Variants in STXBP4 observed in about 807,000 individuals in gnomAD.
The protein encoded by STXBP4 is syntaxin binding protein 4.
A neutral mutation model predicts 76.1 loss-of-function variants in STXBP4; 55 were observed. The observed-to-expected ratio is 0.72, with a 90% CI of 0.58 to 0.91. STXBP4 has a LOEUF of 0.91. STXBP4 is among the 40% of genes least tolerant of loss of function. The probability of loss-of-function intolerance (pLI) is 0.00; values close to 1 mark genes in which losing one functional copy is unlikely to be tolerated. For missense variants in STXBP4, 618 were observed against 636.9 expected (o/e 0.97, Z 0.32); for synonymous variants, 201 against 220.2 (o/e 0.91, Z 0.77).
intron 17 of STXBP4, among the ~76,000 whole-genome samples, chr17:55,146,493 C>T (rs552112967): frequency 1.3e-4 from 20 of 152,050 alleles, no homozygotes; most frequent in South Asian, 6.2e-4. Flanking sequence ...AGGCGGATCA[C>T]GAGGTCAGGA....
At chr17:55,034,294 A>G (rs374095450) in intron 10 of STXBP4, 35 bp downstream of exon 10, 22 of 1,471,188 alleles carry the variant, frequency 1.5e-5, no homozygotes, top group Non-Finnish European at 1.9e-5. Flanking sequence ...TTTGACATGT[A>G]TAAGTCACAA....
intron 4 of STXBP4, chr17:54,991,212 C>A: frequency 4.7e-6 from 1 of 213,096 alleles, no homozygotes; most frequent in Middle Eastern, 1.6e-3. Context: ...ACATGCTGTT[C>A]AACTTTTATC....
chr17:55,121,957 G>T (rs1179349459), intron 16 of STXBP4, among the ~76,000 whole-genome samples: 2 of 151,964 alleles, frequency 1.3e-5, no homozygotes, highest in Non-Finnish European at 2.9e-5. Context: ...AGAGTAGAAA[G>T]ATGAAAAAAC....
intron 16 of STXBP4, among the ~76,000 whole-genome samples, chr17:55,096,554 T>TTTCTC (rs2144994777): frequency 6.6e-6 from 1 of 152,272 alleles, no homozygotes; most frequent in African/African-American, 2.4e-5. Flanking sequence ...TAACATTGAT[T>TTTCTC]TTCTCAGGAG....
At chr17:55,179,724 A>T in the STXBP4 span, among the ~76,000 whole-genome samples, 12 of 152,142 alleles carry the variant, frequency 7.9e-5, no homozygotes, top group Non-Finnish European at 1.5e-4. Context: ...AATGTATTTT[A>T]TCTTATGATT....
chr17:55,182,822 T>C, the STXBP4 span, among the ~76,000 whole-genome samples: 1 of 152,032 alleles, frequency 6.6e-6, no homozygotes, highest in Non-Finnish European at 1.5e-5. Context: ...CAAAAAACAT[T>C]GCCAACTTAG....
In STXBP4 at chr17:55,034,159, C is replaced by G. The variant is rs775222460; in HGVS notation, c.764-9C>G. On this transcript the variant is annotated splice_polypyrimidine_tract_variant and intron_variant, in intron 9 of 17. Coordinates refer to ENST00000376352, the MANE Select transcript of STXBP4 (RefSeq NM_178509.6). ...TGCCATGTTCTTACTTAAATGTGTTCCATTTTAGATTTTGTCCAGGTTGCC... is the reference window on the plus strand; with the variant it reads ...TGCCATGTTCTTACTTAAATGTGTTGCATTTTAGATTTTGTCCAGGTTGCC... The G allele has an allele frequency of 3.7e-6, 6 of 1,605,910 alleles. No homozygotes were observed. In the Admixed American group the frequency reaches 6.7e-5, roughly 18 times the overall value.
intron 1 of STXBP4, among the ~76,000 whole-genome samples, chr17:54,969,126 A>G (rs552396687): frequency 2.6e-5 from 4 of 152,274 alleles, no homozygotes; most frequent in African/African-American, 7.2e-5. Flanking sequence ...ATGGGCACCC[A>G]CGACACCTGC....
chr17:54,999,564 CATT>C (rs1172337806), intron 5 of STXBP4, 65 bp from the exon 6 acceptor site: 39 of 1,476,040 alleles, frequency 2.6e-5, no homozygotes, highest in Non-Finnish European at 3.6e-5. Flanking sequence ...ACATCTGAAA[CATT>C]ATCTTGGATT....
chr17:55,056,256 T>A (rs1415690938), intron 12 of STXBP4, among the ~76,000 whole-genome samples: 1 of 152,160 alleles, frequency 6.6e-6, no homozygotes, highest in Non-Finnish European at 1.5e-5. Flanking sequence ...ATTTTTAAAA[T>A]TCATTATGAG....
chr17:55,067,483 C>G lies in STXBP4; in HGVS notation c.1012-5417C>G, dbSNP rs181160210. 6.8e-4 allele frequency among the ~76,000 whole-genome samples: 103 copies of G among 152,110 alleles called. 1 individual carries two copies. Among genetic ancestry groups the G allele is most frequent in the African/African-American group, 2.5e-3 (102 of 41,502 alleles). ...TGTCTTGGAAGTAGAAGAATTTCAC[C>G]TGGTAAATGTGGTAAGTTAATGTAC... is the stretch of plus-strand genomic sequence containing the variant. On this transcript the variant is annotated intron_variant, in intron 12 of 17. Transcript: ENST00000376352.
At chr17:55,154,088 G>A (rs936122849) in intron 17 of STXBP4, among the ~76,000 whole-genome samples, 4 of 152,150 alleles carry the variant, frequency 2.6e-5, no homozygotes, top group Non-Finnish European at 5.9e-5. Flanking sequence ...ATTCCTGGTT[G>A]ATGGGTGTAG....
chr17:55,151,890 C>G (rs991239400), intron 17 of STXBP4, among the ~76,000 whole-genome samples: 9 of 152,152 alleles, frequency 5.9e-5, no homozygotes, highest in African/African-American at 1.9e-4. Context: ...TGAATTATCA[C>G]AGTGATTCAA....
At position 55,169,330 on chromosome 17, in the gene STXBP4, G is replaced by C. The variant is rs1313080708; in HGVS notation, c.*9419G>C. 1 of 131,730 alleles carries C rather than the reference G, an allele frequency of 7.6e-6. No individual in the cohort carries two copies. The highest frequency in any genetic ancestry group is 1.6e-5 in the Non-Finnish European group (1 of 64,140). 8.2% of individuals were successfully genotyped at this position (131,730 alleles called of 1,614,324 possible). On this transcript the variant is annotated 3_prime_UTR_variant, in exon 18 of 18. Coordinates refer to ENST00000376352, the MANE Select transcript of STXBP4 (RefSeq NM_178509.6). ...CAAGTCAGAGGCCAGAGAACCCAGA[G>C]TATTTATACCTCTGCACCATCAGTT...
At chr17:55,182,797 A>T in the STXBP4 span, among the ~76,000 whole-genome samples, 1 of 151,832 alleles carries the variant, frequency 6.6e-6, no homozygotes, top group Non-Finnish European at 1.5e-5. Flanking sequence ...GTGCTAAGGA[A>T]AACAACAACA....
chr17:55,157,387 G>A (rs946978232), intron 17 of STXBP4, among the ~76,000 whole-genome samples: 5 of 152,132 alleles, frequency 3.3e-5, no homozygotes, highest in African/African-American at 9.7e-5. Context: ...CCACTTTCAA[G>A]TTAGGCAGCT....
chr17:55,194,152 T>G, the STXBP4 span, among the ~76,000 whole-genome samples: 2 of 151,918 alleles, frequency 1.3e-5, no homozygotes, highest in Non-Finnish European at 1.5e-5. Context: ...ATTCTAGAGG[T>G]ACAGAATGGA....
chr17:55,135,399 C>T (rs1350872480), intron 16 of STXBP4, among the ~76,000 whole-genome samples: 1 of 151,644 alleles, frequency 6.6e-6, no homozygotes, highest in East Asian at 1.9e-4. Context: ...ATGTATATAA[C>T]CAGGTGGTAA....
At chr17:55,198,723 T>A in the STXBP4 span, among the ~76,000 whole-genome samples, 3 of 152,244 alleles carry the variant, frequency 2.0e-5, no homozygotes, top group Non-Finnish European at 4.4e-5. Context: ...CAGCACCCTT[T>A]TCTCAACGTA....
Sources: gnomAD v4.1 joint callset for allele counts (sites outside exome capture counted in the v4.1 genomes callset) on GRCh38, gnomAD v4.1.1 for gene constraint, MANE v1.5 for transcripts, NCBI Gene and HGNC (gene_info 2026-07-23, HGNC 2026-07-21) for gene names.